The following WDFY2 variants were observed in gnomAD, a reference collection of about 807,000 sequenced individuals.
The protein encoded by WDFY2 is WD repeat and FYVE domain containing 2, also known as WD repeat and FYVE domain-containing protein 2.
Under a neutral mutation model 56.4 loss-of-function variants are expected in WDFY2, and 36 were observed. The observed-to-expected ratio is 0.64, with a 90% CI of 0.49 to 0.84. WDFY2 has a LOEUF of 0.84. Among genes scored for constraint, WDFY2 ranks in the 40% least tolerant of loss-of-function variants. The pLI is 0.00. For missense variants in WDFY2, 444 were observed against 512.2 expected (o/e 0.87, Z 1.29); for synonymous variants, 176 against 183.7 (o/e 0.96, Z 0.34).
chr13:51,738,497 G>A lies in WDFY2; in HGVS notation c.599-552G>A, dbSNP rs185004902. On this transcript the variant is annotated intron_variant, in intron 6 of 11. Transcript: ENST00000298125. The stretch of plus-strand genomic sequence containing the variant: ...AGTGGTCATGGTGTTACCATCATCT[G>A]CATTTTACAGTTGAGGAAACTGACA... Among the ~76,000 whole-genome samples, 21 of 152,282 alleles carry A rather than the reference G, an allele frequency of 1.4e-4. No homozygotes were observed. In the East Asian group the frequency reaches 4.1e-3, roughly 29 times the overall value.
chr13:51,754,029 G>A (rs896896013), intron 8 of WDFY2, among the ~76,000 whole-genome samples: 1 of 150,134 alleles, frequency 6.7e-6, no homozygotes, highest in African/African-American at 2.5e-5. Flanking sequence ...GGAGGCGGAG[G>A]TTGCAGTGAG....
chr13:51,618,583 T>C (rs1199743858), intron 1 of WDFY2, among the ~76,000 whole-genome samples: 1 of 152,206 alleles, frequency 6.6e-6, no homozygotes, highest in Non-Finnish European at 1.5e-5. Context: ...ATCTTGAAAA[T>C]GATTAGTGAG....
At chr13:51,600,243 T>C (rs950053064) in intron 1 of WDFY2, among the ~76,000 whole-genome samples, 2 of 152,182 alleles carry the variant, frequency 1.3e-5, no homozygotes, top group African/African-American at 4.8e-5. Flanking sequence ...AAATCAGTTG[T>C]GTCCTAATGA....
In WDFY2 at chr13:51,654,950, T is replaced by C. The variant is rs188406732; in HGVS notation, c.138-5646T>C. 2.4e-3 allele frequency among the ~76,000 whole-genome samples: 368 copies of C among 152,256 alleles called. 6 individuals are homozygous for C. The highest frequency in any genetic ancestry group is 0.023 in the Admixed American group (354 of 15,290). On this transcript the variant is annotated intron_variant, in intron 1 of 11. Coordinates refer to ENST00000298125, the MANE Select transcript of WDFY2 (RefSeq NM_052950.4). The stretch of plus-strand genomic sequence containing the variant: ...GAAGAGAGCTCTATTTAATAGGGTA[T>C]TGTAAAGATTAAATATATATGTAAA...
rs369656055 is a variant in WDFY2, at chr13:51,668,017, A to G, written c.206-7153A>G. 5.0e-3 allele frequency among the ~76,000 whole-genome samples: 746 copies of G among 148,760 alleles called. 5 individuals are homozygous for G. The highest frequency in any genetic ancestry group is 0.015 in the African/African-American group (584 of 40,134). ...CGCCGTTCTCCTGCCTCAGCCTCCC[A>G]AGTAGCTGGGACTACAGGCGTCCGC... is the stretch of plus-strand genomic sequence containing the variant. On this transcript the variant is annotated intron_variant, in intron 2 of 11. Coordinates refer to ENST00000298125, the MANE Select transcript of WDFY2 (RefSeq NM_052950.4).
At chr13:51,642,754 C>G (rs1383451326) in intron 1 of WDFY2, among the ~76,000 whole-genome samples, 1 of 146,744 alleles carries the variant, frequency 6.8e-6, no homozygotes, top group East Asian at 2.1e-4. Flanking sequence ...AATCTCACCT[C>G]ACTGCAACCT....
In WDFY2 at chr13:51,594,778, G is replaced by C. The variant is rs542248940; in HGVS notation, c.137+9954G>C. Among the ~76,000 whole-genome samples, 9 of 152,280 alleles carry C rather than the reference G, an allele frequency of 5.9e-5. No homozygotes were observed. In the South Asian group the frequency reaches 1.9e-3, roughly 32 times the overall value. On this transcript the variant is annotated intron_variant, in intron 1 of 11. Transcript: ENST00000298125. ...GTAATGACTCGTCCTAGTGTTGTTG[G>C]GAGGTTTACATGAGATGATCTTCCT...
Position 51,758,278 on chromosome 13 carries a change from C to A in WDFY2, c.1151C>A (p.Ser384Tyr). ...GCAACCAGAGGATGGTTACTGACTTCTGGAACTGACAAGGTTATTAAGGTA... is the reference window on the plus strand; with the variant it reads ...GCAACCAGAGGATGGTTACTGACTTATGGAACTGACAAGGTTATTAAGGTA... ...FDATRGWLLT[S>Y]GTDKVIKLWD... Residue 384 changes from serine (S) to tyrosine (Y), a missense_variant, in exon 11 of 12, where the codon TCT becomes TAT. Coordinates refer to ENST00000298125, the MANE Select transcript of WDFY2 (RefSeq NM_052950.4). The A allele has an allele frequency of 6.3e-7, 1 of 1,595,200 alleles. No individual in the cohort carries two copies. The highest frequency in any genetic ancestry group is 8.6e-7 in the Non-Finnish European group (1 of 1,165,558).
chr13:51,613,728 C>T (rs949593549), intron 1 of WDFY2, among the ~76,000 whole-genome samples: 1 of 151,928 alleles, frequency 6.6e-6, no homozygotes, highest in African/African-American at 2.4e-5. Context: ...TTTTATGTCA[C>T]AGCTAAAACA....
intron 3 of WDFY2, among the ~76,000 whole-genome samples, chr13:51,700,007 C>T (rs928498098): frequency 6.6e-6 from 1 of 152,138 alleles, no homozygotes; most frequent in African/African-American, 2.4e-5. Context: ...GTTAGAACTA[C>T]GTGCTTCTGG....
chr13:51,650,811 T>C lies in WDFY2; in HGVS notation c.138-9785T>C, dbSNP rs185625946. On this transcript the variant is annotated intron_variant, in intron 1 of 11. Transcript: ENST00000298125. ...CTTTTTGATGTGTTGCTGGATTCGG[T>C]TTGCCAGTATTTTATTGAGGATTTT... 4.0e-3 allele frequency among the ~76,000 whole-genome samples: 602 copies of C among 152,328 alleles called. 4 individuals carry two copies. Among genetic ancestry groups the C allele is most frequent in the African/African-American group, 0.014 (562 of 41,578 alleles).
At chr13:51,745,348 T>C (rs1359785859) in intron 7 of WDFY2, among the ~76,000 whole-genome samples, 2 of 152,156 alleles carry the variant, frequency 1.3e-5, no homozygotes, top group African/African-American at 4.8e-5. Context: ...GCAAAGTAAG[T>C]GGTTACTGCA....
intron 3 of WDFY2, among the ~76,000 whole-genome samples, chr13:51,700,278 T>C (rs1406484343): frequency 6.6e-6 from 1 of 152,124 alleles, no homozygotes; most frequent in African/African-American, 2.4e-5. Context: ...CATTAAAAAC[T>C]AAGTGATAGA....
intron 1 of WDFY2, among the ~76,000 whole-genome samples, chr13:51,620,549 G>A (rs765947668): frequency 3.3e-5 from 5 of 151,770 alleles, no homozygotes; most frequent in Non-Finnish European, 5.9e-5. Context: ...TATCTCTCCC[G>A]TACCACTGTG....
chr13:51,598,389 C>G (rs530007680), intron 1 of WDFY2: 10 of 152,048 alleles, frequency 6.6e-5, no homozygotes, highest in Admixed American at 6.6e-4. Context: ...ATAAATAAAA[C>G]TGCTTTGGGA....
At chr13:51,608,960 C>A (rs565757626) in intron 1 of WDFY2, among the ~76,000 whole-genome samples, 1 of 152,146 alleles carries the variant, frequency 6.6e-6, no homozygotes, top group African/African-American at 2.4e-5. Context: ...CTACAAATAT[C>A]ATTGGCTGTC....
At chr13:51,727,577 A>C in intron 5 of WDFY2, 101 bp from the exon 6 acceptor site, 1 of 1,059,928 alleles carries the variant, frequency 9.4e-7, no homozygotes, top group Non-Finnish European at 1.4e-6. Flanking sequence ...CATTTTCCTC[A>C]GATGGGATTT....
At chr13:51,730,397 G>A (rs1051100175) in intron 6 of WDFY2, among the ~76,000 whole-genome samples, 1 of 152,104 alleles carries the variant, frequency 6.6e-6, no homozygotes, top group Non-Finnish European at 1.5e-5. Flanking sequence ...CTTCTATGAC[G>A]CTGCTGGCTT....
chr13:51,645,624 T>C (rs989052391), intron 1 of WDFY2, among the ~76,000 whole-genome samples: 1 of 152,172 alleles, frequency 6.6e-6, no homozygotes, highest in African/African-American at 2.4e-5. Flanking sequence ...TAGGTGTGCT[T>C]ATGATGACCT....
Sources: allele counts gnomAD v4.1 joint callset (sites outside exome capture counted in the v4.1 genomes callset), GRCh38; gene constraint gnomAD v4.1.1; transcripts MANE v1.5; gene names NCBI Gene and HGNC (gene_info 2026-07-23, HGNC 2026-07-21).